GAP43: variants seen among roughly 807,000 people sequenced by gnomAD.
GAP43 encodes the protein neuromodulin.
A neutral mutation model predicts 18.6 loss-of-function variants in GAP43; 6 were observed. That is an observed-to-expected ratio of 0.32 (90% confidence interval 0.18 to 0.64). The LOEUF (loss-of-function observed/expected upper bound fraction) is 0.64. Among genes scored for constraint, GAP43 ranks in the 30% least tolerant of loss-of-function variants. The probability of loss-of-function intolerance (pLI) is 0.78; values close to 1 mark genes in which losing one functional copy is unlikely to be tolerated. For synonymous variants in GAP43, 115 were observed against 111.4 expected, an observed-to-expected ratio of 1.03 and a Z score of -0.20; for missense variants, 292 against 295.5, an observed-to-expected ratio of 0.99 and a Z score of 0.09.
chr3:115,698,057 A>ATATATAT (rs1709224090), intron 2 of GAP43, among the ~76,000 whole-genome samples: 2 of 53,572 alleles, frequency 3.7e-5, no homozygotes, highest in Admixed American at 3.2e-4. Context: ...ATATTATATA[A>ATATATAT]AATATATATT....
At position 115,623,590 on chromosome 3, in the gene GAP43, G is replaced by A. The variant is rs983605420; in HGVS notation, c.-100G>A. On this transcript the variant is annotated 5_prime_UTR_variant, in exon 1 of 3. Coordinates refer to ENST00000305124, the MANE Select transcript of GAP43 (RefSeq NM_002045.4). ...AGAGAGCGCGCTAGCGCGAGAGAGC[G>A]AGTGAGCAAGCGAGCAGAAAAGAGG... is the stretch of plus-strand genomic sequence containing the variant. 1.3e-6 allele frequency: 2 copies of A among 1,483,074 alleles called. No individual in the cohort carries two copies. Among genetic ancestry groups the A allele is most frequent in the African/African-American group, 1.4e-5 (1 of 71,892 alleles). The allele number at this position is 1,483,074 out of a possible 1,614,324, so 91.9% of individuals were successfully genotyped here.
chr3:115,642,117 C>T (rs1396541079), intron 1 of GAP43, among the ~76,000 whole-genome samples: 2 of 152,070 alleles, frequency 1.3e-5, no homozygotes, highest in Non-Finnish European at 2.9e-5. Flanking sequence ...GAAGACCATA[C>T]TCCCAATTTC....
At chr3:115,636,872 T>C (rs530676585) in intron 1 of GAP43, among the ~76,000 whole-genome samples, 10 of 152,232 alleles carry the variant, frequency 6.6e-5, no homozygotes, top group African/African-American at 2.2e-4. Context: ...ACGAAAGTAT[T>C]GAATGAAATC....
At chr3:115,627,672 G>A (rs898722228) in intron 1 of GAP43, among the ~76,000 whole-genome samples, 2 of 152,088 alleles carry the variant, frequency 1.3e-5, no homozygotes, top group East Asian at 1.9e-4. Context: ...ACATAACCAG[G>A]TCATCTCAAG....
chr3:115,718,603 G>A (rs1232868633), intron 2 of GAP43, among the ~76,000 whole-genome samples: 2 of 152,104 alleles, frequency 1.3e-5, no homozygotes, highest in Non-Finnish European at 2.9e-5. Flanking sequence ...ATAAGTAGTA[G>A]TAGGTAGCAT....
chr3:115,664,602 A>G (rs932547346), intron 1 of GAP43, among the ~76,000 whole-genome samples: 1 of 152,190 alleles, frequency 6.6e-6, no homozygotes, highest in Admixed American at 6.5e-5. Flanking sequence ...TTTGACCCCA[A>G]AACCATGCCA....
intron 1 of GAP43, among the ~76,000 whole-genome samples, chr3:115,627,832 T>G (rs1385217647): frequency 6.6e-6 from 1 of 152,178 alleles, no homozygotes; most frequent in Admixed American, 6.5e-5. Context: ...AGGTGGCTTT[T>G]GTACCTTTGT....
intron 2 of GAP43, among the ~76,000 whole-genome samples, chr3:115,695,541 C>T (rs1009377482): frequency 6.6e-6 from 1 of 152,124 alleles, no homozygotes; most frequent in African/African-American, 2.4e-5. Flanking sequence ...AGAACTCCCC[C>T]GTTTATAGAT....
At chr3:115,702,425 A>AG (rs1195620496) in intron 2 of GAP43, among the ~76,000 whole-genome samples, 11 of 152,122 alleles carry the variant, frequency 7.2e-5, no homozygotes, top group Non-Finnish European at 1.0e-4. Context: ...AAAGAAAAAA[A>AG]CTAGACCCAG....
intron 2 of GAP43, among the ~76,000 whole-genome samples, chr3:115,703,476 T>TTAAAG (rs1374323216): frequency 1.1e-4 from 17 of 152,216 alleles, no homozygotes; most frequent in Non-Finnish European, 2.1e-4. Flanking sequence ...GGAATGCCTG[T>TTAAAG]TAAAGTAGAG....
At chr3:115,633,116 C>A (rs1708280774) in intron 1 of GAP43, among the ~76,000 whole-genome samples, 1 of 152,064 alleles carries the variant, frequency 6.6e-6, no homozygotes, top group Non-Finnish European at 1.5e-5. Context: ...TTCATAAACT[C>A]TTTCTGGGGC....
At chr3:115,706,193 A>C (rs1013147543) in intron 2 of GAP43, among the ~76,000 whole-genome samples, 2 of 152,208 alleles carry the variant, frequency 1.3e-5, no homozygotes, top group Admixed American at 6.5e-5. Flanking sequence ...AAAAAGCTGA[A>C]AAATCTCATT....
intron 1 of GAP43, among the ~76,000 whole-genome samples, chr3:115,647,858 A>C (rs566527528): frequency 6.6e-6 from 1 of 152,202 alleles, no homozygotes; most frequent in Non-Finnish European, 1.5e-5. Context: ...GCACCTATGC[A>C]TGCAGGATTG....
chr3:115,683,141 G>GCACACA (rs1472371618), intron 2 of GAP43, among the ~76,000 whole-genome samples: 7 of 121,322 alleles, frequency 5.8e-5, no homozygotes, highest in Admixed American at 8.5e-5. Context: ...GCGTGCGCGC[G>GCACACA]CGCGCGCACA....
chr3:115,640,463 T>TCC (rs1157698340), intron 1 of GAP43, among the ~76,000 whole-genome samples: 10 of 152,204 alleles, frequency 6.6e-5, no homozygotes, highest in Admixed American at 3.9e-4. Flanking sequence ...TATCTGGTCA[T>TCC]ACATTCCTTT....
intron 2 of GAP43, among the ~76,000 whole-genome samples, chr3:115,696,582 C>A (rs879395326): frequency 6.5e-5 from 8 of 123,854 alleles, no homozygotes; most frequent in East Asian, 3.0e-4. Context: ...CCCACCGCCC[C>A]CCCCCCCCAC....
chr3:115,660,960 C>T (rs1708650609), intron 1 of GAP43, among the ~76,000 whole-genome samples: 1 of 152,200 alleles, frequency 6.6e-6, no homozygotes, highest in Non-Finnish European at 1.5e-5. Flanking sequence ...CGATAGCTTT[C>T]ACTGCCTTGT....
rs1708735597 is a variant in GAP43, at chr3:115,666,469, G to A, written c.31-9544G>A. Among the ~76,000 whole-genome samples the A allele has an allele frequency of 2.0e-5, 3 of 152,244 alleles. No individual in the cohort carries two copies. The South Asian group carries it at 6.2e-4, about 32-fold the overall frequency. ...ACATGCCTTAACTTAATGTCACGATGCTCTAGAAATTACTCTGAGAGAATA... is the reference window on the plus strand; with the variant it reads ...ACATGCCTTAACTTAATGTCACGATACTCTAGAAATTACTCTGAGAGAATA... On this transcript the variant is annotated intron_variant, in intron 1 of 2. Coordinates refer to ENST00000305124, the MANE Select transcript of GAP43 (RefSeq NM_002045.4).
Position 115,721,160 on chromosome 3 carries a change from T to G in GAP43, c.*278T>G, listed in dbSNP as rs14360. The G allele has an allele frequency of 0.22, 48,138 of 221,022 alleles. 6,060 individuals are homozygous for G. Among genetic ancestry groups the G allele is most frequent in the Admixed American group, 0.32 (6,090 of 19,146 alleles). 13.7% of individuals were successfully genotyped at this position (221,022 alleles called of 1,614,324 possible). On this transcript the variant is annotated 3_prime_UTR_variant, in exon 3 of 3. Coordinates refer to ENST00000305124, the MANE Select transcript of GAP43 (RefSeq NM_002045.4). ...TTTGGTAATGATGATTCAATCATTT[T>G]GGGAAATTCTTGCACTGTATCCAAG...
Sources: gnomAD v4.1 joint callset for allele counts (sites outside exome capture counted in the v4.1 genomes callset) on GRCh38, gnomAD v4.1.1 for gene constraint, MANE v1.5 for transcripts, NCBI Gene and HGNC (gene_info 2026-07-23, HGNC 2026-07-21) for gene names.